CAPN12: variants seen among roughly 807,000 people sequenced by gnomAD.
The protein encoded by CAPN12 is calpain 12.
Under a neutral mutation model 95.0 loss-of-function variants are expected in CAPN12, and 107 were observed. The ratio of observed to expected loss-of-function variants is 1.13; its 90% confidence interval spans 0.96 to 1.32. The LOEUF (loss-of-function observed/expected upper bound fraction) is 1.32, where lower values mean the gene tolerates loss of function less well. CAPN12 is among the 40% of genes most tolerant of loss of function. The probability of loss-of-function intolerance (pLI) is 0.00; values close to 1 mark genes in which losing one functional copy is unlikely to be tolerated. For missense variants in CAPN12, 1,136 were observed against 997.8 expected, an observed-to-expected ratio of 1.14 and a Z score of -1.87; for synonymous variants, 505 against 415.5, an observed-to-expected ratio of 1.22 and a Z score of -2.62.
At chr19:38,738,250 A>G in intron 8 of CAPN12, 23 bp downstream of exon 8, 3 of 1,611,548 alleles carry the variant, frequency 1.9e-6, no homozygotes, top group Non-Finnish European at 2.5e-6. Flanking sequence ...CCAGAGGCAG[A>G]GCTGGGACCC....
At position 38,730,579 on chromosome 19, in the gene CAPN12, C is replaced by G. The variant is rs111970087; in HGVS notation, c.*273G>C. ...TATTTCTCCTGTGTCTGTCCTCCAC[C>G]TTCTAGGAGAGCCAGGGCAGAGCTA... On this transcript the variant is annotated 3_prime_UTR_variant, in exon 21 of 21. Transcript: ENST00000328867. 7 of 552,904 alleles carry G rather than the reference C, an allele frequency of 1.3e-5. No individual in the cohort carries two copies. The highest frequency in any genetic ancestry group is 7.5e-5 in the African/African-American group (4 of 53,352). 34.2% of individuals were successfully genotyped at this position (552,904 alleles called of 1,614,324 possible).
rs1052616007 is a variant in CAPN12, at chr19:38,738,516, C to T, written c.805-13G>A. Reference sequence around the variant, plus strand: ...AGCCCAGGAACACCTGGGGCAGCATCGTCAGTGGGGGTGATGCCTGGACAT... The same window carrying T: ...AGCCCAGGAACACCTGGGGCAGCATTGTCAGTGGGGGTGATGCCTGGACAT... On this transcript the variant is annotated splice_polypyrimidine_tract_variant and intron_variant, in intron 6 of 20. Transcript: ENST00000328867. 4.3e-6 allele frequency: 7 copies of T among 1,613,280 alleles called. No individual in the cohort carries two copies. Among genetic ancestry groups the T allele is most frequent in the African/African-American group, 1.3e-5 (1 of 74,944 alleles).
rs1331242325 is a variant in CAPN12 at position 38,740,091 on chromosome 19, TG to T, written c.688del (p.His230MetfsTer14). ...NSMGLFSALR[H>X]ALAKESLVGA... ...CACGAGGGACTCCTTGGCCAGGGCA[TG>T]GCGCAGGGCAGAGAACAGCCCCATG... On this transcript the variant is annotated frameshift_variant, in exon 5 of 21. Transcript: ENST00000328867. LOFTEE classifies it high-confidence loss of function. 1.9e-6 allele frequency: 3 copies of T among 1,610,144 alleles called. No homozygotes were observed. The South Asian group carries it at 3.3e-5, about 18-fold the overall frequency.
chr19:38,740,633 C>T (rs190132975), intron 4 of CAPN12, among the ~76,000 whole-genome samples: 1 of 152,206 alleles, frequency 6.6e-6, no homozygotes, highest in Non-Finnish European at 1.5e-5. Flanking sequence ...AACCCCGTCT[C>T]TACTAAAAAT....
At chr19:38,736,082 G>C (rs1287934632) in intron 12 of CAPN12, 28 bp downstream of exon 12, 13 of 1,462,580 alleles carry the variant, frequency 8.9e-6, no homozygotes, top group South Asian at 1.3e-5. Flanking sequence ...GGCAGGGATG[G>C]GGTCGGATTT....
In CAPN12 at chr19:38,737,261, GC is replaced by G. The variant is rs763222994; in HGVS notation, c.1256del (p.Gly419AlafsTer20). On this transcript the variant is annotated frameshift_variant, in exon 10 of 21. Transcript: ENST00000328867. LOFTEE classifies it high-confidence loss of function. ...GAAGGACCGTGCACTTGGGCGTGCG[GC>G]CCCCCCGCGCTGGGCCCCGTGCCCC... ...AAGARGPARG[G>X]RTPKCTVLLS... 27 of 1,546,552 alleles carry G rather than the reference GC, an allele frequency of 1.7e-5. No homozygotes were observed. The highest frequency in any genetic ancestry group is 1.6e-4 in the Admixed American group (8 of 50,938).
chr19:38,740,312 G>T, intron 4 of CAPN12, 93 bp from the exon 5 acceptor site: 1 of 1,283,248 alleles, frequency 7.8e-7, no homozygotes, highest in Non-Finnish European at 1.1e-6. Flanking sequence ...GTCTCAGGGT[G>T]TGGAATCCCC....
chr19:38,738,423 G>T lies in CAPN12; in HGVS notation c.885C>A (p.Ser295Arg). 1 of 1,609,216 alleles carries T rather than the reference G, an allele frequency of 6.2e-7. No homozygotes were observed. Among genetic ancestry groups the T allele is most frequent in the South Asian group, 1.1e-5 (1 of 90,738 alleles). The change falls in exon 7 of 21, where the codon AGC (serine) becomes AGA (arginine). Residue 295 changes from serine to arginine, a missense_variant. Transcript: ENST00000328867. ...WGCVEWTGAW[S>R]DSCPRWDTLP... ...CCACCCCAGACCCATCCCACCTGTCGCTCCAGGCCCCCGTCCACTCCACGC... is the reference window on the plus strand; with the variant it reads ...CCACCCCAGACCCATCCCACCTGTCTCTCCAGGCCCCCGTCCACTCCACGC...
At chr19:38,740,800 CA>C (rs34848133) in intron 4 of CAPN12, among the ~76,000 whole-genome samples, 45,395 of 130,818 alleles carry the variant, frequency 0.35, 7,147 homozygotes, top group Middle Eastern at 0.48. Context: ...AACTCCATCT[CA>C]AAAAAAAAAA....
intron 1 of CAPN12, among the ~76,000 whole-genome samples, chr19:38,743,584 TC>T (rs55838941): frequency 1.6e-5 from 1 of 60,824 alleles, no homozygotes; most frequent in East Asian, 3.8e-4. Context: ...GGAGTCCAGG[TC>T]CCCAGCCCCC....
At chr19:38,736,498 CCCCAGGGCAGGTTGACCAA>C in intron 11 of CAPN12, 35 bp downstream of exon 11, 1 of 1,581,980 alleles carries the variant, frequency 6.3e-7, no homozygotes, top group Non-Finnish European at 8.6e-7. Flanking sequence ...GTTGACCAAG[CCCCAGGGCAGGTTGACCAA>C]GCCCCAGGGC....
chr19:38,740,263 G>A (rs1367971283), intron 4 of CAPN12, 44 bp from the exon 5 acceptor site: 47 of 1,521,602 alleles, frequency 3.1e-5, no homozygotes, highest in South Asian at 6.3e-5. Context: ...AAGTACAAGC[G>A]TCTCAGGCAC....
At chr19:38,737,718 A>G (rs1970303297) in intron 8 of CAPN12, 80 bp from the exon 9 acceptor site, 1 of 1,433,498 alleles carries the variant, frequency 7.0e-7, no homozygotes, top group South Asian at 1.5e-5. Flanking sequence ...CCCAGATCCC[A>G]AAGCCCCTCA....
At position 38,738,322 on chromosome 19, in the gene CAPN12, T is replaced by C. The variant is rs1271911467; in HGVS notation, c.916A>G (p.Thr306Ala). 1.2e-6 allele frequency: 2 copies of C among 1,612,020 alleles called. No homozygotes were observed. Among genetic ancestry groups the C allele is most frequent in the Middle Eastern group, 2.3e-4 (1 of 4,440 alleles). The change falls in exon 8 of 21, where the codon ACC (threonine) becomes GCC (alanine). Residue 306 changes from threonine to alanine, a missense_variant. Coordinates refer to ENST00000328867, the MANE Select transcript of CAPN12 (RefSeq NM_144691.4). ...DSCPRWDTLP[T>A]ECRDALLVKK... is the part of the protein sequence containing the mutation. ...ACCAGCAGGGCATCGCGGCACTCGG[T>C]GGGGAGTGTGTCCCAGCGTGGGCAG...
intron 10 of CAPN12, chr19:38,736,766 C>A (rs920591311): frequency 2.6e-5 from 17 of 649,494 alleles, no homozygotes; most frequent in Non-Finnish European, 3.9e-5. Flanking sequence ...GCGCTCCCAG[C>A]GCCTTCTCTG....
intron 4 of CAPN12, 88 bp from the exon 5 acceptor site, chr19:38,740,307 A>G (rs1403119617): frequency 1.5e-5 from 20 of 1,312,772 alleles, no homozygotes; most frequent in Non-Finnish European, 2.0e-5. Flanking sequence ...CCTGTGTCTC[A>G]GGGTGTGGAA....
chr19:38,738,320 G>T lies in CAPN12; in HGVS notation c.918C>A (p.Thr306=), dbSNP rs765191182. 30 of 1,611,950 alleles carry T rather than the reference G, an allele frequency of 1.9e-5. No individual in the cohort carries two copies. Among genetic ancestry groups the T allele is most frequent in the Non-Finnish European group, 2.1e-5 (25 of 1,180,022 alleles). The change falls in exon 8 of 21, where the codon ACC becomes ACA. Residue 306 remains threonine, a synonymous_variant. Coordinates refer to ENST00000328867, the MANE Select transcript of CAPN12 (RefSeq NM_144691.4). ...DSCPRWDTLP[T]ECRDALLVKK... ...TCACCAGCAGGGCATCGCGGCACTC[G>T]GTGGGGAGTGTGTCCCAGCGTGGGC...
chr19:38,737,219 G>A lies in CAPN12; in HGVS notation c.1299C>T (p.Arg433=). ...CCTTGGCTCTCAGGCGCCGCCGGTT[G>A]CGCTGGATGAGGGACAGAAGGACCG... is the stretch of plus-strand genomic sequence containing the variant. The part of the protein sequence containing the change: ...KCTVLLSLIQ[R]NRRRLRAKGL... Residue 433 remains arginine (R), a synonymous_variant, in exon 10 of 21, where the codon CGC becomes CGT. Transcript: ENST00000328867. 2 of 1,551,010 alleles carry A rather than the reference G, an allele frequency of 1.3e-6. No homozygotes were observed. Among genetic ancestry groups the A allele is most frequent in the African/African-American group, 1.4e-5 (1 of 73,016 alleles).
intron 5 of CAPN12, chr19:38,739,118 G>GCAGT: frequency 5.7e-6 from 1 of 175,064 alleles, no homozygotes; most frequent in South Asian, 1.2e-4. Flanking sequence ...GTGACAGAGT[G>GCAGT]AGATGAGACC....
Sources: gnomAD v4.1 joint callset for allele counts (sites outside exome capture counted in the v4.1 genomes callset) on GRCh38, gnomAD v4.1.1 for gene constraint, MANE v1.5 for transcripts, NCBI Gene and HGNC (gene_info 2026-07-23, HGNC 2026-07-21) for gene names.